NRG1: variants seen among roughly 807,000 people sequenced by gnomAD.
The protein encoded by NRG1 is neuregulin 1, also known as pro-neuregulin-1, membrane-bound isoform.
A neutral mutation model predicts 63.8 loss-of-function variants in NRG1; 18 were observed. The observed-to-expected ratio is 0.28, with a 90% confidence interval of 0.19 to 0.42. The LOEUF is 0.42. NRG1 is among the 10% of genes least tolerant of loss of function. NRG1 has a pLI of 1.00. For synonymous variants in NRG1, 302 were observed against 301.3 expected, an observed-to-expected ratio of 1.00 and a Z score of -0.02; for missense variants, 762 against 814.7, an observed-to-expected ratio of 0.94 and a Z score of 0.79.
chr8:32,166,133 A>T (rs1205109106), intron 1 of NRG1, among the ~76,000 whole-genome samples: 1 of 152,206 alleles, frequency 6.6e-6, no homozygotes, highest in Non-Finnish European at 1.5e-5. Context: ...GTAATGACTT[A>T]TGCTGGGAAG....
intron 1 of NRG1, among the ~76,000 whole-genome samples, chr8:32,362,921 G>C (rs1202884113): frequency 1.3e-5 from 2 of 152,136 alleles, no homozygotes; most frequent in Non-Finnish European, 2.9e-5. Flanking sequence ...GACAAGGAAG[G>C]AATTACGGGT....
At chr8:31,709,508 G>A (rs1052694946) in intron 1 of NRG1, among the ~76,000 whole-genome samples, 1 of 151,870 alleles carries the variant, frequency 6.6e-6, no homozygotes, top group Non-Finnish European at 1.5e-5. Flanking sequence ...TCCTTGTTCT[G>A]GGGCTATTTT....
At chr8:32,735,140 TA>T (rs1458235548) in intron 6 of NRG1, among the ~76,000 whole-genome samples, 1 of 152,180 alleles carries the variant, frequency 6.6e-6, no homozygotes, top group Non-Finnish European at 1.5e-5. Flanking sequence ...TTCAGATGTA[TA>T]TAGAGTCAAT....
intron 1 of NRG1, among the ~76,000 whole-genome samples, chr8:32,080,785 G>A (rs1301529959): frequency 4.0e-5 from 6 of 151,448 alleles, no homozygotes; most frequent in African/African-American, 1.5e-4. Context: ...GTGTGTGTGT[G>A]TGTGTGTGTG....
At chr8:32,510,028 AAG>A (rs1828973892) in intron 1 of NRG1, among the ~76,000 whole-genome samples, 1 of 151,918 alleles carries the variant, frequency 6.6e-6, no homozygotes. Flanking sequence ...CAAAAGAGAG[AAG>A]ATTCTTAACT....
At chr8:32,209,297 G>C (rs1226500211) in intron 1 of NRG1, among the ~76,000 whole-genome samples, 2 of 151,876 alleles carry the variant, frequency 1.3e-5, no homozygotes, top group African/African-American at 4.8e-5. Context: ...CTAACATTCT[G>C]GTTTTATAAA....
At chr8:31,821,133 T>G (rs1046727360) in intron 1 of NRG1, among the ~76,000 whole-genome samples, 3 of 152,336 alleles carry the variant, frequency 2.0e-5, no homozygotes, top group Middle Eastern at 3.4e-3. Context: ...TTAGGGAATA[T>G]GACAAGAAAA....
intron 1 of NRG1, among the ~76,000 whole-genome samples, chr8:32,471,627 G>A (rs942188870): frequency 1.3e-5 from 2 of 151,710 alleles, no homozygotes; most frequent in South Asian, 4.2e-4. Context: ...ATTTTTTAAG[G>A]TGAAAAAAAT....
intron 1 of NRG1, among the ~76,000 whole-genome samples, chr8:31,789,102 T>A (rs915399484): frequency 6.6e-6 from 1 of 152,218 alleles, no homozygotes; most frequent in Non-Finnish European, 1.5e-5. Context: ...TCCACCTTTC[T>A]GGGTCTCAAG....
chr8:31,861,091 GT>G (rs1230581058), intron 1 of NRG1, among the ~76,000 whole-genome samples: 1 of 152,158 alleles, frequency 6.6e-6, no homozygotes, highest in Non-Finnish European at 1.5e-5. Flanking sequence ...ATATTATTCT[GT>G]TGGCAAACAT....
At chr8:32,690,620 G>A (rs895152204) in intron 5 of NRG1, among the ~76,000 whole-genome samples, 1 of 152,054 alleles carries the variant, frequency 6.6e-6, no homozygotes, top group African/African-American at 2.4e-5. Context: ...GTTTATAAAA[G>A]CCCAGGACTC....
intron 1 of NRG1, among the ~76,000 whole-genome samples, chr8:31,717,073 G>A (rs1184389579): frequency 6.6e-6 from 1 of 152,096 alleles, no homozygotes; most frequent in Non-Finnish European, 1.5e-5. Flanking sequence ...GTTTCTTAAA[G>A]GAAAAGCTTA....
chr8:32,247,592 A>C (rs528686746), intron 1 of NRG1, among the ~76,000 whole-genome samples: 23 of 152,222 alleles, frequency 1.5e-4, no homozygotes, highest in African/African-American at 5.5e-4. Context: ...AAAATATCAA[A>C]AGTTGTCAGG....
chr8:32,667,508 C>T (rs1440111804), intron 5 of NRG1, among the ~76,000 whole-genome samples: 1 of 151,962 alleles, frequency 6.6e-6, no homozygotes, highest in East Asian at 1.9e-4. Context: ...TGAATTTAGT[C>T]AAATTTCTGA....
chr8:32,313,591 G>C (rs1022008662), intron 1 of NRG1, among the ~76,000 whole-genome samples: 1 of 152,188 alleles, frequency 6.6e-6, no homozygotes, highest in Non-Finnish European at 1.5e-5. Context: ...GGAAATGCTA[G>C]GTCCCAGGGA....
intron 1 of NRG1, among the ~76,000 whole-genome samples, chr8:31,745,216 G>C (rs1815725383): frequency 6.6e-6 from 1 of 151,904 alleles, no homozygotes; most frequent in Non-Finnish European, 1.5e-5. Flanking sequence ...TGAGTAGCTG[G>C]TGGAAGGGGA....
At position 32,274,484 on chromosome 8, in the gene NRG1, A is replaced by G. The variant is rs140399293; in HGVS notation, c.38-321344A>G. Among the ~76,000 whole-genome samples the G allele has an allele frequency of 5.9e-5, 9 of 152,284 alleles. No individual in the cohort carries two copies. The East Asian group carries it at 1.7e-3, about 29-fold the overall frequency. The stretch of plus-strand genomic sequence containing the variant: ...ATGAGCAAAATGTTTTTACACATGA[A>G]CTGTTCTTTAATCCCTTTTTTGCTT... On this transcript the variant is annotated intron_variant, in intron 1 of 10. Transcript: ENST00000519301.
At chr8:31,776,476 C>A (rs1391981716) in intron 1 of NRG1, among the ~76,000 whole-genome samples, 1 of 152,030 alleles carries the variant, frequency 6.6e-6, no homozygotes, top group Non-Finnish European at 1.5e-5. Context: ...GGAGAAGCCT[C>A]CTCCCTCATG....
At chr8:31,853,134 T>C (rs1045568293) in intron 1 of NRG1, among the ~76,000 whole-genome samples, 13 of 152,090 alleles carry the variant, frequency 8.5e-5, no homozygotes, top group African/African-American at 1.9e-4. Context: ...GTAGTTTTTT[T>C]CAATTCTGTG....
Sources: allele counts gnomAD v4.1 joint callset (sites outside exome capture counted in the v4.1 genomes callset), GRCh38; gene constraint gnomAD v4.1.1; transcripts MANE v1.5; gene names NCBI Gene and HGNC (gene_info 2026-07-23, HGNC 2026-07-21).